NEGR1: variants seen among roughly 807,000 people sequenced by gnomAD.
The protein encoded by NEGR1 is neuronal growth regulator 1.
NEGR1 carries 10 observed loss-of-function variants against 40.9 expected under a neutral mutation model. The observed-to-expected ratio is 0.24, with a 90% confidence interval of 0.15 to 0.42. NEGR1 has a LOEUF of 0.42. NEGR1 is among the 10% of genes least tolerant of loss of function. NEGR1 has a pLI of 1.00. For synonymous variants in NEGR1, 185 were observed against 166.8 expected (o/e 1.11, Z -0.84); for missense variants, 352 against 438.9 (o/e 0.80, Z 1.77).
intron 1 of NEGR1, among the ~76,000 whole-genome samples, chr1:72,044,840 ATACT>A (rs1305610096): frequency 1.3e-5 from 2 of 151,800 alleles, no homozygotes; most frequent in African/African-American, 4.8e-5. Flanking sequence ...AATAGAGTTA[ATACT>A]TACTTACCTC....
At chr1:71,607,807 C>T (rs1196146574) in intron 5 of NEGR1, among the ~76,000 whole-genome samples, 4 of 152,146 alleles carry the variant, frequency 2.6e-5, no homozygotes, top group Admixed American at 6.5e-5. Flanking sequence ...GATTCTCCTG[C>T]GTCAGCCTCC....
intron 1 of NEGR1, among the ~76,000 whole-genome samples, chr1:72,142,558 G>GATAGATAGATAA (rs1650726460): frequency 6.6e-6 from 1 of 151,634 alleles, no homozygotes; most frequent in African/African-American, 2.4e-5. Context: ...TAGATAGATA[G>GATAGATAGATAA]ATAGATAGAC....
chr1:71,471,323 A>G (rs1159151324), intron 6 of NEGR1, among the ~76,000 whole-genome samples: 1 of 152,126 alleles, frequency 6.6e-6, no homozygotes, highest in Admixed American at 6.6e-5. Context: ...TTAAATTATT[A>G]TATTGTGATT....
At chr1:72,051,531 G>T (rs1052307533) in intron 1 of NEGR1, among the ~76,000 whole-genome samples, 2 of 151,248 alleles carry the variant, frequency 1.3e-5, no homozygotes, top group Non-Finnish European at 3.0e-5. Context: ...TTGTTGCATC[G>T]AAAAAAATTT....
chr1:72,036,300 A>G (rs1646901419), intron 1 of NEGR1, among the ~76,000 whole-genome samples: 2 of 152,122 alleles, frequency 1.3e-5, no homozygotes, highest in South Asian at 4.1e-4. Context: ...GGGGCTTTAC[A>G]TGTGTGTAAA....
chr1:71,943,472 T>C (rs1645991197), intron 1 of NEGR1, among the ~76,000 whole-genome samples: 1 of 151,980 alleles, frequency 6.6e-6, no homozygotes, highest in African/African-American at 2.4e-5. Flanking sequence ...TTTTCTGCAA[T>C]ACCACAAATT....
chr1:72,267,243 C>A (rs1359292660), intron 1 of NEGR1, among the ~76,000 whole-genome samples: 4 of 150,924 alleles, frequency 2.7e-5, no homozygotes, highest in African/African-American at 9.7e-5. Context: ...CCACTATTTG[C>A]AAGGACCCCA....
chr1:72,209,481 T>C (rs901063144), intron 1 of NEGR1, among the ~76,000 whole-genome samples: 1 of 151,710 alleles, frequency 6.6e-6, no homozygotes, highest in Non-Finnish European at 1.5e-5. Flanking sequence ...TCCCATATCA[T>C]GGAAATACCT....
Position 72,282,308 on chromosome 1 carries a change from GTT to G in NEGR1, c.176+9_176+10del. Reference sequence around the variant, plus strand: ...CCGAAACAAGTACGAAAAGCACGCCGTTCTTCCTACCTAAGCACCGCCGTGTC... The same window carrying G: ...CCGAAACAAGTACGAAAAGCACGCCGCTTCCTACCTAAGCACCGCCGTGTC... On this transcript the variant is annotated intron_variant, in intron 1 of 6. Coordinates refer to ENST00000357731, the MANE Select transcript of NEGR1 (RefSeq NM_173808.3). 1 of 1,613,128 alleles carries G rather than the reference GTT, an allele frequency of 6.2e-7. No homozygotes were observed. The highest frequency in any genetic ancestry group is 8.5e-7 in the Non-Finnish European group (1 of 1,179,320).
intron 4 of NEGR1, among the ~76,000 whole-genome samples, chr1:71,635,522 G>A (rs548403724): frequency 2.1e-3 from 324 of 152,140 alleles, no homozygotes; most frequent in Non-Finnish European, 4.0e-3. Context: ...AAAATGGAGA[G>A]AGTTGAGGAT....
chr1:71,705,814 G>GAGAA lies in NEGR1; in HGVS notation c.536-7679_536-7676dup, dbSNP rs142070045. Among the ~76,000 whole-genome samples the GAGAA allele has an allele frequency of 2.3e-3, 339 of 150,566 alleles. 2 individuals are homozygous for GAGAA. Among genetic ancestry groups the GAGAA allele is most frequent in the African/African-American group, 6.9e-3 (284 of 40,908 alleles). ...GGAAAAGAAAAGAAAAGAGAGGAAG[G>GAGAA]AGAAAGAAAGAAAGAAAGAAAGAGA... On this transcript the variant is annotated intron_variant, in intron 3 of 6. Transcript: ENST00000357731.
intron 3 of NEGR1, among the ~76,000 whole-genome samples, chr1:71,746,970 C>A (rs927069479): frequency 6.6e-5 from 10 of 152,160 alleles, no homozygotes; most frequent in Admixed American, 1.3e-4. Context: ...TTCTAAGGGT[C>A]ACTGAAGTTT....
At chr1:72,209,263 C>A (rs965283022) in intron 1 of NEGR1, among the ~76,000 whole-genome samples, 9 of 151,262 alleles carry the variant, frequency 5.9e-5, no homozygotes, top group African/African-American at 2.2e-4. Flanking sequence ...TTCTATGAAC[C>A]TGTACTCAAA....
chr1:71,662,925 A>T (rs759487785), intron 4 of NEGR1, among the ~76,000 whole-genome samples: 6 of 151,422 alleles, frequency 4.0e-5, no homozygotes, highest in Non-Finnish European at 7.4e-5. Context: ...TCTGGAATTA[A>T]TTACTTCTAC....
chr1:71,470,230 T>C (rs971015356), intron 6 of NEGR1, among the ~76,000 whole-genome samples: 2 of 152,122 alleles, frequency 1.3e-5, no homozygotes, highest in Admixed American at 6.6e-5. Context: ...CCTATCTTTT[T>C]TTTTCCTACT....
chr1:71,580,834 A>G (rs1050182193), intron 6 of NEGR1, among the ~76,000 whole-genome samples: 18 of 152,182 alleles, frequency 1.2e-4, no homozygotes, highest in Non-Finnish European at 1.3e-4. Context: ...GTCTAGAGTC[A>G]TGTAGGTTAC....
intron 3 of NEGR1, among the ~76,000 whole-genome samples, chr1:71,703,014 G>T (rs2101633938): frequency 6.6e-6 from 1 of 152,138 alleles, no homozygotes; most frequent in African/African-American, 2.4e-5. Flanking sequence ...AAATCTACAT[G>T]TGTTTTCTTG....
intron 1 of NEGR1, among the ~76,000 whole-genome samples, chr1:72,078,277 G>A (rs1472759828): frequency 6.6e-6 from 1 of 152,082 alleles, no homozygotes; most frequent in African/African-American, 2.4e-5. Flanking sequence ...CTATAGCACC[G>A]TAATATCTCA....
chr1:71,804,499 A>G (rs1464463446), intron 2 of NEGR1, among the ~76,000 whole-genome samples: 1 of 152,256 alleles, frequency 6.6e-6, no homozygotes, highest in Non-Finnish European at 1.5e-5. Context: ...GGCTGAAGCC[A>G]TGGCAGAAGA....
Sources: gnomAD v4.1 joint callset for allele counts (sites outside exome capture counted in the v4.1 genomes callset) on GRCh38, gnomAD v4.1.1 for gene constraint, MANE v1.5 for transcripts, NCBI Gene and HGNC (gene_info 2026-07-23, HGNC 2026-07-21) for gene names.